TRPM3: variants seen among roughly 807,000 people sequenced by gnomAD.
TRPM3 encodes transient receptor potential cation channel subfamily M member 3, also known as long transient receptor potential channel 3.
TRPM3 carries 77 observed loss-of-function variants against 181.2 expected under a neutral mutation model. The ratio of observed to expected loss-of-function variants is 0.42; its 90% confidence interval spans 0.35 to 0.51. The LOEUF is 0.51. TRPM3 is among the 20% of genes least tolerant of loss of function. The pLI, the probability that TRPM3 is intolerant of heterozygous loss-of-function variation, is 0.01. For synonymous variants in TRPM3, 745 were observed against 796.4 expected (o/e 0.94, Z 1.09); for missense variants, 1,759 against 2,196.7 (o/e 0.80, Z 3.98).
chr9:70,610,407 G>A (rs1171248675), intron 19 of TRPM3, among the ~76,000 whole-genome samples: 1 of 152,160 alleles, frequency 6.6e-6, no homozygotes, highest in African/African-American at 2.4e-5. Context: ...TTTATTTTCT[G>A]AGAGGAGGCA....
rs139239019 is a variant in TRPM3 at position 71,129,842 on chromosome 9, C to T, written c.184-265331G>A. 2.9e-3 allele frequency among the ~76,000 whole-genome samples: 443 copies of T among 152,250 alleles called. 4 individuals are homozygous for T. Among genetic ancestry groups the T allele is most frequent in the Non-Finnish European group, 4.8e-3 (329 of 68,010 alleles). ...AGAAGCAGTGGTTCTTCCAGAAGCT[C>T]TGGGTTTCTTTTATTTGCACGGCTG... On this transcript the variant is annotated intron_variant, in intron 1 of 24. Coordinates refer to the TRPM3 transcript ENST00000357533.
intron 12 of TRPM3, among the ~76,000 whole-genome samples, chr9:70,627,265 C>CTTTTTTTTT (rs1175860330): frequency 1.3e-5 from 1 of 79,580 alleles, no homozygotes; most frequent in Non-Finnish European, 2.3e-5. Context: ...TCCATTGCTG[C>CTTTTTTTTT]TTTTTTTTTT....
chr9:70,831,539 T>C (rs2093898213), intron 5 of TRPM3, among the ~76,000 whole-genome samples: 1 of 152,090 alleles, frequency 6.6e-6, no homozygotes, highest in South Asian at 2.1e-4. Context: ...ATCCATTGCA[T>C]GTAATGGATC....
intron 1 of TRPM3, among the ~76,000 whole-genome samples, chr9:71,160,457 G>T (rs1447335115): frequency 6.6e-6 from 1 of 152,104 alleles, no homozygotes; most frequent in Non-Finnish European, 1.5e-5. Flanking sequence ...AGTAAGTTAT[G>T]CCATATAGAG....
chr9:71,094,392 T>G (rs562097895), intron 1 of TRPM3, among the ~76,000 whole-genome samples: 1 of 152,310 alleles, frequency 6.6e-6, no homozygotes, highest in African/African-American at 2.4e-5. Context: ...TAGAAATTAT[T>G]TCTGACAGAA....
chr9:71,106,111 CTAGAA>C (rs1416445477), intron 1 of TRPM3, among the ~76,000 whole-genome samples: 1 of 152,102 alleles, frequency 6.6e-6, no homozygotes, highest in African/African-American at 2.4e-5. Context: ...GATGACTATA[CTAGAA>C]AAGTCAGTTT....
intron 8 of TRPM3, chr9:70,761,162 T>C: frequency 2.7e-6 from 1 of 377,048 alleles, no homozygotes; most frequent in Non-Finnish European, 4.7e-6. Context: ...CTTATGTTTC[T>C]CCGTTTTCTA....
intron 1 of TRPM3, among the ~76,000 whole-genome samples, chr9:71,284,028 T>C (rs1040517923): frequency 1.3e-5 from 2 of 152,254 alleles, no homozygotes; most frequent in African/African-American, 4.8e-5. Context: ...GAGCCCTGGT[T>C]CTGCCACTTG....
intron 8 of TRPM3, among the ~76,000 whole-genome samples, chr9:70,756,294 A>G (rs1034812611): frequency 1.3e-5 from 2 of 152,120 alleles, no homozygotes; most frequent in African/African-American, 4.8e-5. Flanking sequence ...CAAGCTAACT[A>G]TCCTAAATAT....
chr9:71,218,773 C>T (rs1004984341), intron 1 of TRPM3, among the ~76,000 whole-genome samples: 1 of 152,106 alleles, frequency 6.6e-6, no homozygotes, highest in Admixed American at 6.5e-5. Flanking sequence ...TAAAGCATAG[C>T]GATTTTTTTG....
intron 1 of TRPM3, among the ~76,000 whole-genome samples, chr9:71,355,423 G>A (rs1304737873): frequency 2.0e-5 from 3 of 152,048 alleles, no homozygotes; most frequent in Non-Finnish European, 2.9e-5. Context: ...AAAGGCCATG[G>A]GCTGACAGCA....
At chr9:70,610,200 C>T (rs77359200) in intron 19 of TRPM3, among the ~76,000 whole-genome samples, 2,188 of 152,280 alleles carry the variant, frequency 0.014, 55 homozygotes, top group African/African-American at 0.049. Flanking sequence ...GTGGTGTTAC[C>T]TCCACACTCT....
chr9:71,309,849 A>G (rs1588425100), intron 1 of TRPM3, among the ~76,000 whole-genome samples: 1 of 152,164 alleles, frequency 6.6e-6, no homozygotes, highest in South Asian at 2.1e-4. Flanking sequence ...TTCCCTCAGC[A>G]TGCTATTTTT....
At chr9:71,104,428 C>A (rs1449732893) in intron 1 of TRPM3, among the ~76,000 whole-genome samples, 1 of 152,186 alleles carries the variant, frequency 6.6e-6, no homozygotes, top group Non-Finnish European at 1.5e-5. Flanking sequence ...ATATCGAATG[C>A]TTCTCATGTG....
intron 1 of TRPM3, among the ~76,000 whole-genome samples, chr9:70,970,253 T>C (rs777190390): frequency 6.6e-6 from 1 of 152,160 alleles, no homozygotes; most frequent in Non-Finnish European, 1.5e-5. Context: ...ACCTTTATAA[T>C]GAAAATAAAT....
At chr9:71,237,261 T>C (rs2081413411) in intron 1 of TRPM3, among the ~76,000 whole-genome samples, 1 of 152,186 alleles carries the variant, frequency 6.6e-6, no homozygotes, top group Non-Finnish European at 1.5e-5. Flanking sequence ...TATGATAATC[T>C]TAAATCAAAC....
chr9:70,614,221 G>A (rs2062412606), intron 18 of TRPM3, among the ~76,000 whole-genome samples: 2 of 151,564 alleles, frequency 1.3e-5, no homozygotes, highest in South Asian at 4.2e-4. Flanking sequence ...AGGACTGGGT[G>A]TGGTGGCTCA....
intron 1 of TRPM3, among the ~76,000 whole-genome samples, chr9:71,346,602 A>G (rs774252908): frequency 4.5e-4 from 68 of 152,342 alleles, no homozygotes; most frequent in Non-Finnish European, 7.9e-4. Context: ...TGCCTTTGGG[A>G]AAGAGGTTCC....
intron 1 of TRPM3, among the ~76,000 whole-genome samples, chr9:71,198,338 A>T (rs11142726): frequency 0.43 from 64,251 of 150,486 alleles, 14,131 homozygotes; most frequent in East Asian, 0.52. Flanking sequence ...TGGCTTAGGA[A>T]TGACTTGGTG....
Sources: allele counts gnomAD v4.1 joint callset (sites outside exome capture counted in the v4.1 genomes callset), GRCh38; gene constraint gnomAD v4.1.1; transcripts MANE v1.5; gene names NCBI Gene and HGNC (gene_info 2026-07-23, HGNC 2026-07-21).